Variants in DGKB observed in about 807,000 individuals in gnomAD.
The protein encoded by DGKB is 90 kDa diacylglycerol kinase.
A neutral mutation model predicts 114.3 loss-of-function variants in DGKB; 67 were observed. That is an observed-to-expected ratio of 0.59 (90% CI 0.48 to 0.72). The LOEUF is 0.72. Ranked by LOEUF, DGKB falls within the 30% of genes least tolerant of loss-of-function variation. The pLI is 0.00. For missense variants in DGKB, 907 were observed against 975.2 expected (o/e 0.93, Z 0.93); for synonymous variants, 398 against 323.1 (o/e 1.23, Z -2.49).
intron 1 of DGKB, among the ~76,000 whole-genome samples, chr7:14,948,614 G>A (rs937308812): frequency 3.3e-5 from 5 of 151,768 alleles, no homozygotes; most frequent in Admixed American, 2.6e-4. Flanking sequence ...GATAAAACTT[G>A]TCAGTAGCAT....
At chr7:14,893,860 C>T (rs1489836543) in intron 1 of DGKB, among the ~76,000 whole-genome samples, 1 of 151,354 alleles carries the variant, frequency 6.6e-6, no homozygotes, top group Admixed American at 6.6e-5. Context: ...TCTACAACTG[C>T]ACATAGCCCA....
chr7:14,764,056 C>T (rs1402765423), intron 2 of DGKB, among the ~76,000 whole-genome samples: 2 of 151,862 alleles, frequency 1.3e-5, no homozygotes, highest in Non-Finnish European at 2.9e-5. Context: ...GCTTTTTCCT[C>T]TTATCACAAA....
chr7:14,227,118 C>A (rs1188714553), intron 23 of DGKB, among the ~76,000 whole-genome samples: 4 of 152,020 alleles, frequency 2.6e-5, no homozygotes, highest in African/African-American at 9.7e-5. Flanking sequence ...AGGCCCACAG[C>A]TATTTGATGA....
In DGKB at chr7:14,715,953, G is replaced by A. The variant is rs1264123021; in HGVS notation, c.466+2589C>T. On this transcript the variant is annotated intron_variant, in intron 6 of 25. Coordinates refer to ENST00000402815, the MANE Select transcript of DGKB (RefSeq NM_001350709.2). ...CGGAATAAGCTTTATAATAAACATG[G>A]TGTAAATACCTGGCAGAAAAGACAG... Among the ~76,000 whole-genome samples the A allele has an allele frequency of 1.3e-5, 2 of 152,116 alleles. 1 individual carries two copies. Among genetic ancestry groups the A allele is most frequent in the East Asian group, 3.8e-4 (2 of 5,196 alleles).
At chr7:14,485,710 C>T (rs1342551775) in intron 20 of DGKB, among the ~76,000 whole-genome samples, 4 of 144,554 alleles carry the variant, frequency 2.8e-5, no homozygotes, top group Non-Finnish European at 4.5e-5. Context: ...CATGGTGAAA[C>T]CCCATCTCTA....
At chr7:14,618,531 TC>T (rs1341055981) in intron 15 of DGKB, among the ~76,000 whole-genome samples, 1 of 151,658 alleles carries the variant, frequency 6.6e-6, no homozygotes, top group Non-Finnish European at 1.5e-5. Context: ...GGGAGAGCCA[TC>T]TGTAATTTTA....
chr7:14,235,521 A>T lies in DGKB; in HGVS notation c.2123-57370T>A, dbSNP rs546624069. ...TTATCAGAGGTTTCATCTGTGAAGT[A>T]GAATGCCAGTATTTGACCATTACTG... On this transcript the variant is annotated intron_variant, in intron 23 of 25. Transcript: ENST00000402815. Among the ~76,000 whole-genome samples, 12 of 152,222 alleles carry T rather than the reference A, an allele frequency of 7.9e-5. No homozygotes were observed. In the South Asian group the frequency reaches 2.5e-3, roughly 32 times the overall value.
At chr7:14,648,714 T>C (rs1813728681) in intron 13 of DGKB, among the ~76,000 whole-genome samples, 1 of 150,382 alleles carries the variant, frequency 6.6e-6, no homozygotes, top group Non-Finnish European at 1.5e-5. Flanking sequence ...GGGAGGACAT[T>C]CTAACCAAAG....
intron 23 of DGKB, among the ~76,000 whole-genome samples, chr7:14,218,476 T>A (rs769029006): frequency 6.6e-6 from 1 of 152,100 alleles, no homozygotes. Context: ...ACCTCATAGG[T>A]GAATTTGTTG....
At chr7:14,714,888 G>C (rs549649525) in intron 6 of DGKB, among the ~76,000 whole-genome samples, 14 of 152,312 alleles carry the variant, frequency 9.2e-5, no homozygotes, top group Non-Finnish European at 2.1e-4. Flanking sequence ...GCAAATTCAA[G>C]AGGGAGTAAA....
chr7:14,313,258 T>TG (rs201515519), intron 23 of DGKB, among the ~76,000 whole-genome samples: 3,638 of 152,096 alleles, frequency 0.024, 130 homozygotes, highest in African/African-American at 0.083. Flanking sequence ...AACAACATAT[T>TG]GCGGGGAGGA....
chr7:14,541,382 G>C (rs1453568631), intron 20 of DGKB, among the ~76,000 whole-genome samples: 1 of 152,124 alleles, frequency 6.6e-6, no homozygotes, highest in Non-Finnish European at 1.5e-5. Flanking sequence ...AAGAAAAAGT[G>C]GTTTTGTAGT....
chr7:14,170,151 A>AAG (rs1491128159), intron 25 of DGKB, among the ~76,000 whole-genome samples: 2 of 68,426 alleles, frequency 2.9e-5, no homozygotes, highest in African/African-American at 1.1e-4. Context: ...AAAAAAAAGA[A>AAG]AGAAAGAAAG....
rs531269788 is a variant in DGKB at position 14,843,381 on chromosome 7, G to A, written c.-187-1931C>T. Among the ~76,000 whole-genome samples the A allele has an allele frequency of 1.5e-3, 197 of 127,474 alleles. 1 individual carries two copies. Among genetic ancestry groups the A allele is most frequent in the African/African-American group, 5.6e-3 (187 of 33,206 alleles). 83.6% of individuals were successfully genotyped at this position (127,474 alleles called of 152,430 possible). A position where few individuals can be genotyped will look rare whatever the true frequency, so the allele number is the denominator to read the frequency against. On this transcript the variant is annotated intron_variant, in intron 1 of 25. Transcript: ENST00000402815. Reference sequence around the variant, plus strand: ...CTCGCTCTGTCGCCCAGGCCGGACTGCGGACTGCAGTGGCGCAATCTCGGC... The same window carrying A: ...CTCGCTCTGTCGCCCAGGCCGGACTACGGACTGCAGTGGCGCAATCTCGGC...
intron 5 of DGKB, among the ~76,000 whole-genome samples, chr7:14,732,945 A>T (rs944064904): frequency 1.5e-4 from 23 of 152,328 alleles, no homozygotes; most frequent in African/African-American, 5.3e-4. Flanking sequence ...AGACAACATT[A>T]TCCAGAAATA....
chr7:14,969,535 TA>T (rs1420104298), intron 1 of DGKB, among the ~76,000 whole-genome samples: 2 of 152,274 alleles, frequency 1.3e-5, no homozygotes, highest in East Asian at 3.9e-4. Flanking sequence ...CAATGAGCAT[TA>T]CTGCCTGAGT....
At chr7:14,165,262 A>G (rs1347620667) in intron 25 of DGKB, among the ~76,000 whole-genome samples, 1 of 152,194 alleles carries the variant, frequency 6.6e-6, no homozygotes, top group Non-Finnish European at 1.5e-5. Flanking sequence ...AGTAGAACCT[A>G]GAATAGGTTT....
At chr7:14,347,856 A>G (rs1057185043) in intron 21 of DGKB, among the ~76,000 whole-genome samples, 1 of 152,086 alleles carries the variant, frequency 6.6e-6, no homozygotes, top group Non-Finnish European at 1.5e-5. Flanking sequence ...ATATATGAAA[A>G]CATAATGTTG....
At chr7:14,171,416 T>C (rs1271107500) in intron 25 of DGKB, among the ~76,000 whole-genome samples, 1 of 152,208 alleles carries the variant, frequency 6.6e-6, no homozygotes, top group African/African-American at 2.4e-5. Context: ...CATTAAAATC[T>C]TGTTGGCACT....
Sources: allele counts gnomAD v4.1 joint callset (sites outside exome capture counted in the v4.1 genomes callset), GRCh38; gene constraint gnomAD v4.1.1; transcripts MANE v1.5; gene names NCBI Gene and HGNC (gene_info 2026-07-23, HGNC 2026-07-21).